The following RALGPS1 variants were observed in gnomAD, a reference collection of about 807,000 sequenced individuals.
The protein encoded by RALGPS1 is Ral GEF with PH domain and SH3 binding motif 1, also known as ras-specific guanine nucleotide-releasing factor RalGPS1.
RALGPS1 carries 19 observed loss-of-function variants against 78.8 expected under a neutral mutation model. That is an observed-to-expected ratio of 0.24 (90% confidence interval 0.17 to 0.35). The LOEUF (loss-of-function observed/expected upper bound fraction) is 0.35. Among genes scored for constraint, RALGPS1 ranks in the 10% least tolerant of loss-of-function variants. RALGPS1 has a pLI of 1.00. For synonymous variants in RALGPS1, 228 were observed against 256.3 expected, an observed-to-expected ratio of 0.89 and a Z score of 1.06; for missense variants, 454 against 688.3, an observed-to-expected ratio of 0.66 and a Z score of 3.81.
chr9:127,072,140 C>G (rs931287594), intron 8 of RALGPS1, among the ~76,000 whole-genome samples: 1 of 152,228 alleles, frequency 6.6e-6, no homozygotes. Context: ...TTCATCCATG[C>G]TAGAGCATGA....
intron 8 of RALGPS1, among the ~76,000 whole-genome samples, chr9:127,145,827 G>T (rs568557055): frequency 6.6e-5 from 10 of 152,320 alleles, no homozygotes; most frequent in African/African-American, 2.2e-4. Flanking sequence ...CAACCTCTCT[G>T]ACCTTTCGTT....
At chr9:127,198,076 T>C (rs2061435587) in intron 13 of RALGPS1, among the ~76,000 whole-genome samples, 1 of 152,264 alleles carries the variant, frequency 6.6e-6, no homozygotes, top group African/African-American at 2.4e-5. Context: ...TGCAGAGCTG[T>C]CCAACGTCCA....
intron 11 of RALGPS1, among the ~76,000 whole-genome samples, chr9:127,188,737 C>T (rs772171661): frequency 2.0e-5 from 3 of 150,106 alleles, no homozygotes; most frequent in Non-Finnish European, 4.4e-5. Flanking sequence ...AGCCTGAGAT[C>T]GGTGGATCAC....
At chr9:126,978,903 C>A (rs948742852) in intron 4 of RALGPS1, among the ~76,000 whole-genome samples, 2 of 152,174 alleles carry the variant, frequency 1.3e-5, no homozygotes, top group African/African-American at 4.8e-5. Context: ...CTGGTCCAGT[C>A]ACCTAAGGCC....
At chr9:127,184,344 A>C in intron 11 of RALGPS1, 1 of 338,866 alleles carries the variant, frequency 3.0e-6, no homozygotes, top group Non-Finnish European at 5.7e-6. Flanking sequence ...AAAGGAAATG[A>C]ACCAGGCCCT....
At chr9:127,015,848 T>C (rs1308974600) in intron 4 of RALGPS1, among the ~76,000 whole-genome samples, 1 of 151,878 alleles carries the variant, frequency 6.6e-6, no homozygotes, top group Non-Finnish European at 1.5e-5. Flanking sequence ...CCTGCTCCAC[T>C]TGGAGGCACT....
At chr9:127,043,046 C>T (rs1217306981) in intron 5 of RALGPS1, among the ~76,000 whole-genome samples, 1 of 152,146 alleles carries the variant, frequency 6.6e-6, no homozygotes, top group African/African-American at 2.4e-5. Flanking sequence ...GAGAAATACT[C>T]CATCTTCATG....
chr9:127,099,776 G>C (rs2053536563), intron 8 of RALGPS1, among the ~76,000 whole-genome samples: 1 of 152,216 alleles, frequency 6.6e-6, no homozygotes, highest in Non-Finnish European at 1.5e-5. Context: ...GGTCCCAAAG[G>C]CATTTCAGTT....
At chr9:126,921,132 C>T (rs2034707904) in intron 1 of RALGPS1, among the ~76,000 whole-genome samples, 1 of 152,202 alleles carries the variant, frequency 6.6e-6, no homozygotes, top group Non-Finnish European at 1.5e-5. Context: ...GTGGGAGAAC[C>T]AAGAAGCACC....
In RALGPS1 at chr9:127,166,091, C is replaced by G; in HGVS notation, c.633C>G (p.Ile211Met). The part of the protein sequence containing the change: ...PYLGIYLLDL[I>M]YIDSAYPASG... ...TAGGAATCTATCTTCTGGATTTAAT[C>G]TACATTGATTCTGCATATCCTGCCT... The change falls in exon 9 of 19, where the codon ATC becomes ATG. Residue 211 changes from isoleucine to methionine, a missense_variant. Ile to Met is a conservative substitution (Grantham distance 10). Transcript: ENST00000259351. The G allele has an allele frequency of 6.2e-7, 1 of 1,608,024 alleles. No individual in the cohort carries two copies.
chr9:127,112,237 GA>G (rs2054893698), intron 8 of RALGPS1, among the ~76,000 whole-genome samples: 1 of 152,252 alleles, frequency 6.6e-6, no homozygotes, highest in South Asian at 2.1e-4. Context: ...GACGTCAGTG[GA>G]AACCCAGCTG....
chr9:127,090,774 G>A (rs561204238), intron 8 of RALGPS1, among the ~76,000 whole-genome samples: 15 of 152,338 alleles, frequency 9.8e-5, no homozygotes, highest in East Asian at 1.9e-4. Flanking sequence ...AGCATCGGCC[G>A]TCAGGTGGTG....
At chr9:127,089,645 G>T (rs938415748) in intron 8 of RALGPS1, among the ~76,000 whole-genome samples, 1 of 152,182 alleles carries the variant, frequency 6.6e-6, no homozygotes, top group Non-Finnish European at 1.5e-5. Context: ...AAGAAGAAAT[G>T]CTCCTCCAGT....
intron 11 of RALGPS1, among the ~76,000 whole-genome samples, chr9:127,182,947 G>T (rs1413967812): frequency 6.6e-6 from 1 of 152,132 alleles, no homozygotes; most frequent in Admixed American, 6.5e-5. Context: ...ACCAACATCT[G>T]CTTGGCTTCT....
intron 8 of RALGPS1, among the ~76,000 whole-genome samples, chr9:127,076,706 A>C (rs750972511): frequency 6.6e-6 from 1 of 152,174 alleles, no homozygotes; most frequent in African/African-American, 2.4e-5. Flanking sequence ...GTCAGACACC[A>C]CCCCTGCCCT....
At chr9:126,965,973 T>A in intron 3 of RALGPS1, 22 bp downstream of exon 3, 2 of 1,589,702 alleles carry the variant, frequency 1.3e-6, no homozygotes, top group Non-Finnish European at 1.7e-6. Context: ...AGGGCTGGTG[T>A]GGGTGGCTGG....
chr9:127,163,855 T>C, intron 8 of RALGPS1, among the ~76,000 whole-genome samples: 1 of 152,364 alleles, frequency 6.6e-6, no homozygotes, highest in Admixed American at 6.5e-5. Flanking sequence ...ATTCCAATAT[T>C]TGTAATAATT....
At chr9:126,942,489 C>T (rs528545829) in intron 1 of RALGPS1, among the ~76,000 whole-genome samples, 1 of 152,212 alleles carries the variant, frequency 6.6e-6, no homozygotes, top group Non-Finnish European at 1.5e-5. Flanking sequence ...CTATCTTCTC[C>T]ACTGTTTGAA....
chr9:127,216,807 T>C (rs1376289289), intron 18 of RALGPS1: 1 of 1,147,012 alleles, frequency 8.7e-7, no homozygotes, highest in Non-Finnish European at 1.1e-6. Context: ...CCTGGCCTCC[T>C]CCATACTGGT....
Sources: gnomAD v4.1 joint callset for allele counts (sites outside exome capture counted in the v4.1 genomes callset) on GRCh38, gnomAD v4.1.1 for gene constraint, MANE v1.5 for transcripts, NCBI Gene and HGNC (gene_info 2026-07-23, HGNC 2026-07-21) for gene names.